PTPRD: variants seen among roughly 807,000 people sequenced by gnomAD.
PTPRD encodes protein tyrosine phosphatase receptor type D.
A neutral mutation model predicts 214.5 loss-of-function variants in PTPRD; 34 were observed. The ratio of observed to expected loss-of-function variants is 0.16; its 90% CI spans 0.12 to 0.21. PTPRD has a LOEUF of 0.21. Among genes scored for constraint, PTPRD ranks in the 10% least tolerant of loss-of-function variants. The pLI is 1.00. For synonymous variants in PTPRD, 1,128 were observed against 845.7 expected (o/e 1.33, Z -5.79); for missense variants, 2,545 against 2,398.7 (o/e 1.06, Z -1.27).
chr9:8,794,975 A>G (rs761639452), intron 11 of PTPRD, among the ~76,000 whole-genome samples: 1 of 150,740 alleles, frequency 6.6e-6, no homozygotes, highest in Non-Finnish European at 1.5e-5. Flanking sequence ...TTGGAACCCA[A>G]TTTTAAAACA....
intron 4 of PTPRD, among the ~76,000 whole-genome samples, chr9:10,009,883 T>C (rs1019367334): frequency 6.6e-6 from 1 of 151,954 alleles, no homozygotes; most frequent in Admixed American, 6.6e-5. Context: ...TCTGTCAGTC[T>C]TAAGACCTCT....
intron 11 of PTPRD, among the ~76,000 whole-genome samples, chr9:8,892,595 G>GTA (rs1218017925): frequency 2.0e-5 from 3 of 148,740 alleles, no homozygotes; most frequent in Non-Finnish European, 4.4e-5. Context: ...ATATATATGT[G>GTA]TATATATATG....
intron 33 of PTPRD, among the ~76,000 whole-genome samples, chr9:8,457,668 C>T (rs780666036): frequency 8.6e-5 from 13 of 152,000 alleles, no homozygotes; most frequent in Non-Finnish European, 1.9e-4. Flanking sequence ...ATTGCTAATG[C>T]TAGCATCTTA....
intron 3 of PTPRD, among the ~76,000 whole-genome samples, chr9:10,223,748 A>C (rs7024384): frequency 0.022 from 3,350 of 149,664 alleles, 121 homozygotes; most frequent in African/African-American, 0.077. Flanking sequence ...TTCCATTAAA[A>C]CAAACAATAA....
intron 2 of PTPRD, among the ~76,000 whole-genome samples, chr9:10,422,933 G>T (rs570247066): frequency 1.3e-4 from 20 of 152,144 alleles, no homozygotes; most frequent in African/African-American, 3.9e-4. Flanking sequence ...AATACCATTT[G>T]ACCCAGCCAT....
chr9:9,709,063 A>C (rs545238795), intron 7 of PTPRD, among the ~76,000 whole-genome samples: 1 of 152,110 alleles, frequency 6.6e-6, no homozygotes, highest in East Asian at 1.9e-4. Flanking sequence ...TCAATAGTTT[A>C]AGATCTTATA....
chr9:10,285,711 C>T (rs562497207), intron 3 of PTPRD, among the ~76,000 whole-genome samples: 62 of 149,526 alleles, frequency 4.1e-4, no homozygotes, highest in Non-Finnish European at 7.5e-4. Context: ...CCCAGGTTCA[C>T]GCCATTCTCC....
intron 9 of PTPRD, among the ~76,000 whole-genome samples, chr9:9,307,861 C>T (rs997159480): frequency 7.9e-5 from 12 of 152,170 alleles, no homozygotes; most frequent in African/African-American, 2.4e-4. Context: ...TTCTACTGAA[C>T]CACCAGATTA....
intron 3 of PTPRD, among the ~76,000 whole-genome samples, chr9:10,237,669 C>T (rs1480138550): frequency 1.3e-5 from 2 of 151,870 alleles, no homozygotes; most frequent in Non-Finnish European, 2.9e-5. Context: ...CTTCCTAGGT[C>T]TGCAAATCTG....
intron 3 of PTPRD, among the ~76,000 whole-genome samples, chr9:10,315,537 A>G (rs1167531582): frequency 6.6e-6 from 1 of 151,960 alleles, no homozygotes; most frequent in African/African-American, 2.4e-5. Flanking sequence ...GTAACTCAAA[A>G]CCAAATTTCT....
intron 5 of PTPRD, among the ~76,000 whole-genome samples, chr9:9,774,077 C>T: frequency 6.6e-6 from 1 of 152,174 alleles, no homozygotes. Flanking sequence ...TAAGGTCTGC[C>T]TTGTTCAAGT....
At chr9:8,498,367 C>A (rs2097322985) in intron 25 of PTPRD, among the ~76,000 whole-genome samples, 1 of 152,120 alleles carries the variant, frequency 6.6e-6, no homozygotes, top group Non-Finnish European at 1.5e-5. Context: ...ACTCCACCTC[C>A]TGGGTTCAAG....
In PTPRD at chr9:10,242,032, A is replaced by C. The variant is rs554677976; in HGVS notation, c.-545+98931T>G. On this transcript the variant is annotated intron_variant, in intron 3 of 45. Coordinates refer to ENST00000381196, the MANE Select transcript of PTPRD (RefSeq NM_002839.4). ...ATGTCAGCACTGGAGTAAAAGGCTA[A>C]AGAAACTCAGACAAGAGGAAAAAGG... is the stretch of plus-strand genomic sequence containing the variant. Among the ~76,000 whole-genome samples, 66 of 152,108 alleles carry C rather than the reference A, an allele frequency of 4.3e-4. No individual in the cohort carries two copies. In the South Asian group the frequency reaches 0.014, roughly 32 times the overall value.
chr9:8,877,432 C>A (rs1292432060), intron 11 of PTPRD, among the ~76,000 whole-genome samples: 1 of 152,036 alleles, frequency 6.6e-6, no homozygotes, highest in African/African-American at 2.4e-5. Context: ...ATCTAGGGGA[C>A]TTTTATAGTG....
chr9:8,707,506 C>G lies in PTPRD; in HGVS notation c.64+26274G>C, dbSNP rs79396231. Among the ~76,000 whole-genome samples, 100 of 152,308 alleles carry G rather than the reference C, an allele frequency of 6.6e-4. 1 individual carries two copies. In the East Asian group the frequency reaches 0.017, roughly 26 times the overall value. On this transcript the variant is annotated intron_variant, in intron 12 of 45. Coordinates refer to ENST00000381196, the MANE Select transcript of PTPRD (RefSeq NM_002839.4). The stretch of plus-strand genomic sequence containing the variant: ...TTTCTTGATTACATTGTTCTTGGGA[C>G]AAAGTGTTCCTTAAATTACTTAGCA...
rs553962159 is a variant in PTPRD at position 9,917,232 on chromosome 9, T to A, written c.-368+21275A>T. 1.6e-4 allele frequency among the ~76,000 whole-genome samples: 22 copies of A among 136,648 alleles called. No homozygotes were observed. In the South Asian group the frequency reaches 4.1e-3, roughly 25 times the overall value. 89.6% of individuals were successfully genotyped at this position (136,648 alleles called of 152,430 possible). On this transcript the variant is annotated intron_variant, in intron 5 of 45. Coordinates refer to ENST00000381196, the MANE Select transcript of PTPRD (RefSeq NM_002839.4). Reference sequence around the variant, plus strand: ...GTAAACAAAATTGATACTAAAAAAATTTTTAAAAATCCACAAAACAAAAAG... The same window carrying A: ...GTAAACAAAATTGATACTAAAAAAAATTTTAAAAATCCACAAAACAAAAAG...
At chr9:10,421,860 T>G (rs2098548838) in intron 2 of PTPRD, among the ~76,000 whole-genome samples, 1 of 151,960 alleles carries the variant, frequency 6.6e-6, no homozygotes, top group South Asian at 2.1e-4. Context: ...TTTATTCATA[T>G]GCCAATAACA....
chr9:10,555,008 A>G (rs1397144199), intron 2 of PTPRD, among the ~76,000 whole-genome samples: 1 of 152,216 alleles, frequency 6.6e-6, no homozygotes, highest in Non-Finnish European at 1.5e-5. Flanking sequence ...AGAATGTGTT[A>G]GAGTAGTGAT....
At chr9:9,899,384 T>A (rs62533750) in intron 5 of PTPRD, among the ~76,000 whole-genome samples, 2 of 152,054 alleles carry the variant, frequency 1.3e-5, no homozygotes, top group Non-Finnish European at 2.9e-5. Context: ...TATTTAACAA[T>A]GGGCAAAGAA....
Sources: allele counts gnomAD v4.1 joint callset (sites outside exome capture counted in the v4.1 genomes callset), GRCh38; gene constraint gnomAD v4.1.1; transcripts MANE v1.5; gene names NCBI Gene and HGNC (gene_info 2026-07-23, HGNC 2026-07-21).